HDAC9: variants seen among roughly 807,000 people sequenced by gnomAD.
HDAC9 encodes MEF-2 interacting transcription repressor (MITR) protein.
In HDAC9, 41 loss-of-function variants were observed where a neutral mutation model predicts 139.4. The observed-to-expected ratio is 0.29, with a 90% CI of 0.23 to 0.38. The LOEUF (loss-of-function observed/expected upper bound fraction) is 0.38, where lower values mean the gene tolerates loss of function less well. Ranked by LOEUF, HDAC9 falls within the 10% of genes least tolerant of loss-of-function variation. The pLI is 1.00. For synonymous variants in HDAC9, 517 were observed against 476.2 expected, an observed-to-expected ratio of 1.09 and a Z score of -1.12; for missense variants, 1,147 against 1,297.0, an observed-to-expected ratio of 0.88 and a Z score of 1.78.
intron 10 of HDAC9, 82 bp downstream of exon 10, chr7:18,648,080 G>C (rs1788000734): frequency 2.4e-5 from 26 of 1,080,532 alleles, no homozygotes; most frequent in Non-Finnish European, 3.3e-5. Flanking sequence ...TTTTACTCAA[G>C]ACCCTGATGG....
chr7:18,553,100 C>T (rs906249292), intron 2 of HDAC9, among the ~76,000 whole-genome samples: 41 of 152,024 alleles, frequency 2.7e-4, no homozygotes, highest in African/African-American at 9.4e-4. Context: ...TGCGTGTGCA[C>T]CTTTGTGTGT....
At chr7:18,514,382 C>A (rs1802522126) in intron 2 of HDAC9, among the ~76,000 whole-genome samples, 1 of 152,084 alleles carries the variant, frequency 6.6e-6, no homozygotes, top group Admixed American at 6.6e-5. Context: ...CGTTAGTGTT[C>A]ATGTTTTTCT....
intron 12 of HDAC9, among the ~76,000 whole-genome samples, chr7:18,711,604 C>T (rs1032075712): frequency 6.6e-6 from 1 of 152,166 alleles, no homozygotes; most frequent in Non-Finnish European, 1.5e-5. Flanking sequence ...CACCCACCAC[C>T]CCTGCCCACA....
chr7:18,814,186 T>C (rs916603370), intron 17 of HDAC9, among the ~76,000 whole-genome samples: 2 of 152,196 alleles, frequency 1.3e-5, no homozygotes, highest in African/African-American at 4.8e-5. Flanking sequence ...ACACCTACTT[T>C]GCACTTTTAA....
chr7:18,197,181 A>G lies in HDAC9; in HGVS notation c.25+34832A>G, dbSNP rs1329483054. Among the ~76,000 whole-genome samples the G allele has an allele frequency of 2.0e-5, 3 of 152,152 alleles. No individual in the cohort carries two copies. The South Asian group carries it at 6.2e-4, about 32-fold the overall frequency. ...CTCAAAACTGGGAAATCAGCTCTGC[A>G]GCTTTTGGACTTGCCAGACCCCTTA... On this transcript the variant is annotated intron_variant, in intron 2 of 12. Coordinates refer to the HDAC9 transcript ENST00000417496.
At chr7:18,705,215 A>G (rs759841828) in intron 12 of HDAC9, among the ~76,000 whole-genome samples, 11 of 152,124 alleles carry the variant, frequency 7.2e-5, no homozygotes, top group Non-Finnish European at 1.6e-4. Context: ...GACACTACTG[A>G]CTTGCCAAAA....
chr7:18,788,646 T>C lies in HDAC9; in HGVS notation c.2215-4699T>C, dbSNP rs1345386892. Among the ~76,000 whole-genome samples the C allele has an allele frequency of 2.0e-5, 3 of 151,496 alleles. 1 individual carries two copies. Among genetic ancestry groups the C allele is most frequent in the South Asian group, 4.2e-4 (2 of 4,796 alleles). On this transcript the variant is annotated intron_variant, in intron 16 of 25. Coordinates refer to ENST00000686413, the MANE Select transcript of HDAC9 (RefSeq NM_178425.4). ...GGCGGATGCCTGAAATCCCATCTAC[T>C]TGGGAGGCTGAGGCGGAAGAATGGC... is the stretch of plus-strand genomic sequence containing the variant.
chr7:18,466,969 C>G (rs1427293101), intron 1 of HDAC9, among the ~76,000 whole-genome samples: 4 of 152,080 alleles, frequency 2.6e-5, no homozygotes, highest in African/African-American at 9.7e-5. Flanking sequence ...TTATGCTTGA[C>G]TATTTTCTCT....
At chr7:18,878,239 A>G (rs1326810484) in intron 22 of HDAC9, among the ~76,000 whole-genome samples, 2 of 152,096 alleles carry the variant, frequency 1.3e-5, no homozygotes, top group Non-Finnish European at 2.9e-5. Flanking sequence ...GCCACAACAT[A>G]TATTTTTTCT....
chr7:18,771,274 T>C (rs1238106809), intron 16 of HDAC9, among the ~76,000 whole-genome samples: 1 of 152,122 alleles, frequency 6.6e-6, no homozygotes, highest in Non-Finnish European at 1.5e-5. Flanking sequence ...ATATTCTGTT[T>C]GGTTACACCT....
intron 2 of HDAC9, among the ~76,000 whole-genome samples, chr7:18,534,200 C>T (rs1810051838): frequency 6.6e-6 from 1 of 152,136 alleles, no homozygotes; most frequent in Admixed American, 6.6e-5. Flanking sequence ...GTATAGACGG[C>T]ATGGACATTT....
rs141529525 is a variant in HDAC9, at chr7:18,578,529, G to A, written c.23-6752G>A. ...TCATCATCATATTTCAGGATGGCTGGAAGCAGTGGTTCCAAGGCCAAATTC... is the reference window on the plus strand; with the variant it reads ...TCATCATCATATTTCAGGATGGCTGAAAGCAGTGGTTCCAAGGCCAAATTC... On this transcript the variant is annotated intron_variant, in intron 2 of 25. Transcript: ENST00000686413. 1.2e-4 allele frequency among the ~76,000 whole-genome samples: 18 copies of A among 152,318 alleles called. No homozygotes were observed. In the East Asian group the frequency reaches 3.5e-3, roughly 29 times the overall value.
intron 16 of HDAC9, among the ~76,000 whole-genome samples, chr7:18,792,073 C>T (rs114058710): frequency 5.8e-4 from 88 of 152,090 alleles, no homozygotes; most frequent in African/African-American, 1.1e-3. Flanking sequence ...TATGTATGCA[C>T]TTATTTACTG....
intron 2 of HDAC9, among the ~76,000 whole-genome samples, chr7:18,544,689 C>T (rs1814174806): frequency 6.6e-6 from 1 of 152,094 alleles, no homozygotes; most frequent in South Asian, 2.1e-4. Flanking sequence ...ATTAAGAGAA[C>T]AGGAGGATGT....
intron 2 of HDAC9, among the ~76,000 whole-genome samples, chr7:18,504,517 C>A (rs1799226572): frequency 6.6e-6 from 1 of 152,214 alleles, no homozygotes; most frequent in African/African-American, 2.4e-5. Context: ...ATTGGCCAGG[C>A]TGGTCTCGAA....
At chr7:18,679,021 G>A (rs530565579) in intron 12 of HDAC9, among the ~76,000 whole-genome samples, 73 of 151,994 alleles carry the variant, frequency 4.8e-4, no homozygotes, top group Admixed American at 1.6e-3. Context: ...CTTAGCCTAG[G>A]ACCCTGGTGC....
intron 2 of HDAC9, among the ~76,000 whole-genome samples, chr7:18,232,460 A>G (rs1408286793): frequency 6.6e-6 from 1 of 151,880 alleles, no homozygotes; most frequent in Non-Finnish European, 1.5e-5. Flanking sequence ...TTTCTGTAAA[A>G]CCTTTACCTG....
chr7:18,468,883 C>A (rs1300567198), intron 1 of HDAC9, among the ~76,000 whole-genome samples: 1 of 152,106 alleles, frequency 6.6e-6, no homozygotes, highest in Non-Finnish European at 1.5e-5. Context: ...AAGTACAAAC[C>A]AAGAGACACA....
At chr7:18,200,204 A>G (rs1791017874) in intron 2 of HDAC9, among the ~76,000 whole-genome samples, 1 of 152,194 alleles carries the variant, frequency 6.6e-6, no homozygotes, top group Non-Finnish European at 1.5e-5. Flanking sequence ...GTCTGTTCAG[A>G]CTGCAGTTAC....
Sources: gnomAD v4.1 joint callset for allele counts (sites outside exome capture counted in the v4.1 genomes callset) on GRCh38, gnomAD v4.1.1 for gene constraint, MANE v1.5 for transcripts, NCBI Gene and HGNC (gene_info 2026-07-23, HGNC 2026-07-21) for gene names.